Variants in SIGLEC15 observed in about 807,000 individuals in gnomAD.
SIGLEC15 encodes the protein sialic acid binding Ig like lectin 15.
In SIGLEC15, 31 loss-of-function variants were observed where a neutral mutation model predicts 26.2. The observed-to-expected ratio is 1.18, with a 90% confidence interval of 0.89 to 1.60. The LOEUF is 1.60. Among genes scored for constraint, SIGLEC15 ranks in the 40% most tolerant of loss-of-function variants. The pLI, the probability that SIGLEC15 is intolerant of heterozygous loss-of-function variation, is 0.00. For synonymous variants in SIGLEC15, 207 were observed against 221.9 expected (o/e 0.93, Z 0.60); for missense variants, 501 against 488.4 (o/e 1.03, Z -0.24).
At chr18:45,839,156 A>ATC (rs2048303797) in intron 4 of SIGLEC15, 61 bp downstream of exon 4, 26 of 1,343,016 alleles carry the variant, frequency 1.9e-5, no homozygotes, top group Non-Finnish European at 2.5e-5. Context: ...CTGCTCTTAG[A>ATC]TAAGACCACC....
At chr18:45,841,024 C>T (rs2048320888) in intron 5 of SIGLEC15, 1 of 152,266 alleles carries the variant, frequency 6.6e-6, no homozygotes, top group Non-Finnish European at 1.5e-5. Context: ...GTACTAAAGA[C>T]ACAGCAAGAT....
intron 1 of SIGLEC15, among the ~76,000 whole-genome samples, chr18:45,826,062 C>A (rs1023963291): frequency 3.9e-5 from 6 of 152,174 alleles, no homozygotes; most frequent in Non-Finnish European, 5.9e-5. Flanking sequence ...TGCGAGCATC[C>A]AGAGGACAAT....
chr18:45,837,633 C>T lies in SIGLEC15; in HGVS notation c.233C>T (p.Thr78Met), dbSNP rs1185213289. 7.3e-6 allele frequency: 11 copies of T among 1,507,656 alleles called. No individual in the cohort carries two copies. The highest frequency in any genetic ancestry group is 6.2e-5 in the Admixed American group (3 of 48,230). The allele number at this position is 1,507,656 out of a possible 1,614,324, so 93.4% of individuals were successfully genotyped here. The stretch of plus-strand genomic sequence containing the variant: ...CACCGCCACTACGACGGGCCGCTGA[C>T]GGCCATCTGGCGCGCGGGCGAGCCC... Reference protein sequence around the residue: ...HPHRHYDGPLTAIWRAGEPYA... With the variant: ...HPHRHYDGPLMAIWRAGEPYA... The change falls in exon 3 of 6, where the codon ACG becomes ATG. Residue 78 changes from threonine (T) to methionine (M), a missense_variant. Coordinates refer to ENST00000389474, the MANE Select transcript of SIGLEC15 (RefSeq NM_213602.3).
In SIGLEC15 at chr18:45,836,020, C is replaced by G. The variant is rs558489331; in HGVS notation, c.53-1009C>G. The stretch of plus-strand genomic sequence containing the variant: ...GAACAATGGCGGTCCTGTGGGCGGC[C>G]GGAGATTTTGGTTCTGTGCAGAAGG... On this transcript the variant is annotated intron_variant, in intron 1 of 5. Transcript: ENST00000389474. Among the ~76,000 whole-genome samples the G allele has an allele frequency of 6.6e-5, 10 of 152,210 alleles. No individual in the cohort carries two copies. In the South Asian group the frequency reaches 1.9e-3, roughly 28 times the overall value.
At chr18:45,837,985 G>A in intron 3 of SIGLEC15, 89 bp downstream of exon 3, 1 of 1,379,936 alleles carries the variant, frequency 7.2e-7, no homozygotes, top group Non-Finnish European at 9.3e-7. Flanking sequence ...CAGGCGCTGT[G>A]CTGAGCCAGG....
intron 5 of SIGLEC15, chr18:45,841,075 TAATA>T (rs2048321169): frequency 6.6e-6 from 1 of 152,248 alleles, no homozygotes. Flanking sequence ...TGGAGAATTT[TAATA>T]AATATGGAAA....
Position 45,837,753 on chromosome 18 carries a change from G to A in SIGLEC15, c.353G>A (p.Gly118Asp). 1 of 1,517,374 alleles carries A rather than the reference G, an allele frequency of 6.6e-7. No homozygotes were observed. Among genetic ancestry groups the A allele is most frequent in the Non-Finnish European group, 8.8e-7 (1 of 1,141,124 alleles). 94.0% of individuals were successfully genotyped at this position (1,517,374 alleles called of 1,614,324 possible). Residue 118 changes from glycine (G) to aspartate (D), a missense_variant, in exon 3 of 6, where the codon GGC (glycine) becomes GAC (aspartate). Physicochemically the swap from Gly to Asp is moderately conservative, Grantham distance 94. Coordinates refer to ENST00000389474, the MANE Select transcript of SIGLEC15 (RefSeq NM_213602.3). ...LSLHGRFRLL[G>D]NPRRNDLSLR... ...CTGCACGGCCGCTTCCGGCTGCTGG[G>A]CAACCCGCGCCGCAACGACCTCTCG...
Position 45,838,718 on chromosome 18 carries a change from CCG to C in SIGLEC15, c.501_502del (p.Pro168AlafsTer48). 6.4e-7 allele frequency: 1 copy of C among 1,571,806 alleles called. No individual in the cohort carries two copies. Among genetic ancestry groups the C allele is most frequent in the South Asian group, 1.2e-5 (1 of 86,458 alleles). On this transcript the variant is annotated frameshift_variant and splice_region_variant, in exon 4 of 6. Coordinates refer to ENST00000389474, the MANE Select transcript of SIGLEC15 (RefSeq NM_213602.3). LOFTEE classifies it high-confidence loss of function. ...CAGTCACCCGCCTTCTCCCCTGCAG[CCG>C]CGCCGCGGATCGTCAACATCTCGGT...
chr18:45,831,652 T>A (rs1454862707), intron 1 of SIGLEC15, among the ~76,000 whole-genome samples: 1 of 152,030 alleles, frequency 6.6e-6, no homozygotes, highest in Non-Finnish European at 1.5e-5. Flanking sequence ...AAATTCCAGG[T>A]GAGTTAAGGA....
In SIGLEC15 at chr18:45,837,563, G is replaced by C. The variant is rs1355483990; in HGVS notation, c.163G>C (p.Glu55Gln). The C allele has an allele frequency of 2.6e-6, 4 of 1,516,272 alleles. No homozygotes were observed. The highest frequency in any genetic ancestry group is 3.5e-6 in the Non-Finnish European group (4 of 1,139,574). The allele number at this position is 1,516,272 out of a possible 1,614,324, so 93.9% of individuals were successfully genotyped here. A position where few individuals can be genotyped will look rare whatever the true frequency, so the allele number is the denominator to read the frequency against. ...GCAGGTGCCACCCGAGGTGAGCGCG[G>C]AGGCAGGCGACGCGGCAGTGCTGCC... ...SMQVPPEVSAEAGDAAVLPCT... is the reference protein window; with the variant it reads ...SMQVPPEVSAQAGDAAVLPCT... Residue 55 changes from glutamate to glutamine, a missense_variant, in exon 3 of 6, where the codon GAG becomes CAG. Physicochemically the swap from Glu to Gln is conservative, Grantham distance 29. Transcript: ENST00000389474.
intron 4 of SIGLEC15, among the ~76,000 whole-genome samples, chr18:45,839,789 T>C (rs2048309319): frequency 6.6e-6 from 1 of 152,190 alleles, no homozygotes; most frequent in Non-Finnish European, 1.5e-5. Context: ...CTGTCTCTGA[T>C]CTGGATCAGA....
rs1053382727 is a variant in SIGLEC15, at chr18:45,843,127, G to A, written c.*940G>A. On this transcript the variant is annotated 3_prime_UTR_variant, in exon 6 of 6. Coordinates refer to ENST00000389474, the MANE Select transcript of SIGLEC15 (RefSeq NM_213602.3). Reference sequence around the variant, plus strand: ...ACCACTGTCTCAGGAGCTGAAGCCGGGAGACCTGAGGGGAGGTCTGGCCGG... The same window carrying A: ...ACCACTGTCTCAGGAGCTGAAGCCGAGAGACCTGAGGGGAGGTCTGGCCGG... 6.6e-6 allele frequency: 1 copy of A among 152,300 alleles called. No homozygotes were observed. The highest frequency in any genetic ancestry group is 1.5e-5 in the Non-Finnish European group (1 of 68,092). 9.4% of individuals were successfully genotyped at this position (152,300 alleles called of 1,614,324 possible).
Position 45,837,783 on chromosome 18 carries a change from G to C in SIGLEC15, c.383G>C (p.Arg128Pro), listed in dbSNP as rs777059196. Reference sequence around the variant, plus strand: ...CCGCGCCGCAACGACCTCTCGCTGCGCGTCGAGCGCCTCGCCCTGGCTGAC... The same window carrying C: ...CCGCGCCGCAACGACCTCTCGCTGCCCGTCGAGCGCCTCGCCCTGGCTGAC... ...GNPRRNDLSL[R>P]VERLALADDR... Residue 128 changes from arginine to proline, a missense_variant, in exon 3 of 6, where the codon CGC becomes CCC. Arg to Pro is a moderately radical substitution (Grantham distance 103). Transcript: ENST00000389474. 7 of 1,523,654 alleles carry C rather than the reference G, an allele frequency of 4.6e-6. No homozygotes were observed. In the African/African-American group the frequency reaches 1.0e-4, roughly 22 times the overall value. The allele number at this position is 1,523,654 out of a possible 1,614,324, so 94.4% of individuals were successfully genotyped here.
chr18:45,833,905 T>A (rs936907635), intron 1 of SIGLEC15, among the ~76,000 whole-genome samples: 2 of 150,282 alleles, frequency 1.3e-5, no homozygotes, highest in Admixed American at 6.6e-5. Flanking sequence ...CCAAGATAAG[T>A]AAAGGAAATA....
At chr18:45,834,799 G>C (rs2048263299) in intron 1 of SIGLEC15, among the ~76,000 whole-genome samples, 1 of 152,220 alleles carries the variant, frequency 6.6e-6, no homozygotes. Flanking sequence ...TGGGGAATCT[G>C]TGCCTGGCTC....
chr18:45,841,362 G>C (rs1472071461), intron 5 of SIGLEC15, among the ~76,000 whole-genome samples: 1 of 152,166 alleles, frequency 6.6e-6, no homozygotes, highest in South Asian at 2.1e-4. Context: ...AAAGACTCAG[G>C]TGAGGCCCAG....
intron 1 of SIGLEC15, 46 bp from the exon 2 acceptor site, chr18:45,836,983 T>C: frequency 1.0e-6 from 1 of 993,522 alleles, no homozygotes; most frequent in Non-Finnish European, 1.6e-6. Flanking sequence ...TCTCTGAGCC[T>C]CAGTTTATTC....
chr18:45,826,379 G>A (rs968467851), intron 1 of SIGLEC15, among the ~76,000 whole-genome samples: 4 of 152,150 alleles, frequency 2.6e-5, no homozygotes, highest in Admixed American at 2.6e-4. Context: ...AAGGCACAGG[G>A]ACCATCTGCA....
Position 45,838,928 on chromosome 18 carries a change from C to T in SIGLEC15, c.707C>T (p.Thr236Met), listed in dbSNP as rs111920004. Residue 236 changes from threonine to methionine, a missense_variant, in exon 4 of 6, where the codon ACG (threonine) becomes ATG (methionine). Physicochemically the swap from Thr to Met is moderately conservative, Grantham distance 81. Coordinates refer to ENST00000389474, the MANE Select transcript of SIGLEC15 (RefSeq NM_213602.3). Reference protein sequence around the residue: ...LPALTHDGRYTCTAANSLGRS... With the variant: ...LPALTHDGRYMCTAANSLGRS... ...GCACTGACCCATGACGGCCGCTACA[C>T]GTGTACGGCCGCCAACAGCCTGGGC... 6.2e-6 allele frequency: 10 copies of T among 1,604,298 alleles called. No homozygotes were observed. The highest frequency in any genetic ancestry group is 1.3e-5 in the African/African-American group (1 of 74,672).
Sources: allele counts gnomAD v4.1 joint callset (sites outside exome capture counted in the v4.1 genomes callset), GRCh38; gene constraint gnomAD v4.1.1; transcripts MANE v1.5; gene names NCBI Gene and HGNC (gene_info 2026-07-23, HGNC 2026-07-21).